Variants in ROCK1 observed in about 807,000 individuals in gnomAD.
The protein encoded by ROCK1 is Rho associated coiled-coil containing protein kinase 1, also known as rho-associated protein kinase 1.
ROCK1 carries 36 observed loss-of-function variants against 196.8 expected under a neutral mutation model. That is an observed-to-expected ratio of 0.18 (90% CI 0.14 to 0.24). The LOEUF (loss-of-function observed/expected upper bound fraction) is 0.24, where lower values mean the gene tolerates loss of function less well. Among genes scored for constraint, ROCK1 ranks in the 10% least tolerant of loss-of-function variants. The pLI is 1.00. For synonymous variants in ROCK1, 443 were observed against 515.9 expected (o/e 0.86, Z 1.91); for missense variants, 920 against 1,562.0 (o/e 0.59, Z 6.93).
chr18:20,956,233 AAAGAT>A (rs750491806), intron 29 of ROCK1, among the ~76,000 whole-genome samples: 15 of 152,194 alleles, frequency 9.9e-5, no homozygotes, highest in East Asian at 1.9e-4. Context: ...GAAAAAAAGA[AAAGAT>A]AAGAAATGGT....
intron 28 of ROCK1, 40 bp downstream of exon 28, chr18:20,960,096 G>C (rs200169699): frequency 1.5e-5 from 20 of 1,352,898 alleles, no homozygotes; most frequent in Non-Finnish European, 1.9e-5. Context: ...GTAAAATATA[G>C]AACAAAATAC....
At chr18:21,005,557 T>A (rs757317377) in intron 16 of ROCK1, among the ~76,000 whole-genome samples, 7 of 152,126 alleles carry the variant, frequency 4.6e-5, no homozygotes, top group Non-Finnish European at 7.4e-5. Context: ...TACAATGTGA[T>A]ACAAATGTGG....
chr18:20,967,884 C>G lies in ROCK1; in HGVS notation c.3060G>C (p.Lys1020Asn). 1.3e-6 allele frequency: 2 copies of G among 1,592,896 alleles called. No homozygotes were observed. Among genetic ancestry groups the G allele is most frequent in the Non-Finnish European group, 1.7e-6 (2 of 1,168,416 alleles). ...TTCTCAAATCTTGTGTATTAGCTTT[C>G]TTTCTATCAATTTTAAAATCTTTTC... Reference protein sequence around the residue: ...MNRKDFKIDRKKANTQDLRKK... With the variant: ...MNRKDFKIDRNKANTQDLRKK... The change falls in exon 26 of 33, where the codon AAG becomes AAC. Residue 1020 changes from lysine (K) to asparagine (N), a missense_variant. By Grantham distance (94) the Lys-to-Asn change is moderately conservative. This residue lies in a region of ROCK1 where 116 missense variants were observed against 204.2 expected (regional missense o/e 0.57). Coordinates refer to ENST00000399799, the MANE Select transcript of ROCK1 (RefSeq NM_005406.3).
At chr18:20,991,361 G>A in intron 17 of ROCK1, 35 bp from the exon 18 acceptor site, 1 of 1,413,372 alleles carries the variant, frequency 7.1e-7, no homozygotes, top group Non-Finnish European at 9.6e-7. Context: ...GTAATAAACT[G>A]TGCAGAAGGC....
At chr18:21,073,248 T>A (rs1395716445) in intron 1 of ROCK1, among the ~76,000 whole-genome samples, 2 of 152,072 alleles carry the variant, frequency 1.3e-5, no homozygotes, top group African/African-American at 4.8e-5. Context: ...ATAAGAGAAG[T>A]ATTTTCACAT....
rs2035623089 is a variant in ROCK1, at chr18:20,991,262, T to C, written c.2057A>G (p.Gln686Arg). ...GGTTACTTTGTGTTCATTTACCTCTTGTTCTAACCGTTGTTGTAATGATTT... is the reference window on the plus strand; with the variant it reads ...GGTTACTTTGTGTTCATTTACCTCTCGTTCTAACCGTTGTTGTAATGATTT... ...KLKSLQQRLE[Q>R]EVNEHKVTKA... The change falls in exon 18 of 33, where the codon CAA (glutamine) becomes CGA (arginine). Residue 686 changes from glutamine (Q) to arginine (R), a missense_variant. By Grantham distance (43) the Gln-to-Arg change is conservative. Transcript: ENST00000399799. 6.2e-7 allele frequency: 1 copy of C among 1,609,558 alleles called. No individual in the cohort carries two copies. Among genetic ancestry groups the C allele is most frequent in the Non-Finnish European group, 8.5e-7 (1 of 1,176,598 alleles).
chr18:21,111,045 C>G lies in ROCK1; in HGVS notation c.-135G>C. ...TCAGGGTCACCAGGTGCGCCCGGTT[C>G]CCCCGTCTTCCCCTCACTGAGGGGA... On this transcript the variant is annotated 5_prime_UTR_variant, in exon 1 of 33. Transcript: ENST00000399799. This position sits in a 1 kb window ranked among gnomAD's most constrained non-coding sequence, Gnocchi z 4.2. 3 of 664,742 alleles carry G rather than the reference C, an allele frequency of 4.5e-6. No individual in the cohort carries two copies. The highest frequency in any genetic ancestry group is 7.9e-6 in the Non-Finnish European group (3 of 379,174). 41.2% of individuals were successfully genotyped at this position (664,742 alleles called of 1,614,324 possible).
At chr18:21,100,150 GA>G (rs557069271) in intron 1 of ROCK1, among the ~76,000 whole-genome samples, 2,929 of 127,740 alleles carry the variant, frequency 0.023, 94 homozygotes, top group African/African-American at 0.073. Context: ...TGGAAAAAAA[GA>G]AAAAAAAAAA....
rs2035170515 is a variant in ROCK1, at chr18:20,950,107, T to C, written c.*1277A>G. 6.6e-6 allele frequency: 1 copy of C among 152,646 alleles called. No individual in the cohort carries two copies. The highest frequency in any genetic ancestry group is 1.9e-4 in the East Asian group (1 of 5,208). 9.5% of individuals were successfully genotyped at this position (152,646 alleles called of 1,614,324 possible). ...TTTGGTTAAAAAAATAAACAATAAA[T>C]CATACTGTCCATATGAATCAACTCT... On this transcript the variant is annotated 3_prime_UTR_variant, in exon 33 of 33. Transcript: ENST00000399799.
intron 32 of ROCK1, among the ~76,000 whole-genome samples, chr18:20,952,441 T>C (rs973689262): frequency 4.6e-5 from 7 of 150,554 alleles, no homozygotes; most frequent in Non-Finnish European, 1.0e-4. Context: ...CTTATAATTG[T>C]TTATCATGGC....
chr18:21,060,370 C>T (rs1443170958), intron 2 of ROCK1, among the ~76,000 whole-genome samples: 10 of 152,094 alleles, frequency 6.6e-5, no homozygotes, highest in Non-Finnish European at 1.3e-4. Context: ...GTAGCAAATG[C>T]GGCAAGGATG....
chr18:21,081,984 C>T (rs190985386), intron 1 of ROCK1, among the ~76,000 whole-genome samples: 1 of 152,290 alleles, frequency 6.6e-6, no homozygotes, highest in East Asian at 1.9e-4. Context: ...CAGGGTCTCA[C>T]TCTGTTGCCC....
Position 21,008,151 on chromosome 18 carries a change from T to C in ROCK1, c.1454A>G (p.Glu485Gly). ...ATGCTGTAGCAACATTTTCTCCTTC[T>C]CAATCTGAGACACTGTAGATTCTAG... ...RNLESTVSQI[E>G]KEKMLLQHRI... The change falls in exon 14 of 33, where the codon GAG becomes GGG. Residue 485 changes from glutamate to glycine, a missense_variant. Physicochemically the swap from Glu to Gly is moderately conservative, Grantham distance 98. Transcript: ENST00000399799. The C allele has an allele frequency of 6.3e-7, 1 of 1,598,142 alleles. No homozygotes were observed. The highest frequency in any genetic ancestry group is 8.5e-7 in the Non-Finnish European group (1 of 1,170,858).
At position 21,020,307 on chromosome 18, in the gene ROCK1, C is replaced by A. The variant is rs1183759408; in HGVS notation, c.1273-68G>T. On this transcript the variant is annotated intron_variant, in intron 11 of 32. Coordinates refer to ENST00000399799, the MANE Select transcript of ROCK1 (RefSeq NM_005406.3). Reference sequence around the variant, plus strand: ...ATTTAGACATTTAAAAATATCAAGTCTATGTTAATATTTTAAACCTTTTTA... The same window carrying A: ...ATTTAGACATTTAAAAATATCAAGTATATGTTAATATTTTAAACCTTTTTA... 1.5e-5 allele frequency: 12 copies of A among 776,042 alleles called. No individual in the cohort carries two copies. In the Admixed American group the frequency reaches 3.8e-4, roughly 25 times the overall value. 48.1% of individuals were successfully genotyped at this position (776,042 alleles called of 1,614,324 possible). A position where few individuals can be genotyped will look rare whatever the true frequency, so the allele number is the denominator to read the frequency against.
intron 16 of ROCK1, among the ~76,000 whole-genome samples, chr18:21,001,533 TGAG>T (rs2143427747): frequency 6.6e-6 from 1 of 152,112 alleles, no homozygotes; most frequent in Admixed American, 6.5e-5. Context: ...TTTGGGAGGC[TGAG>T]GCAGGCAGAT....
chr18:21,017,460 G>A (rs1377958781), intron 12 of ROCK1, among the ~76,000 whole-genome samples: 3 of 151,364 alleles, frequency 2.0e-5, no homozygotes, highest in Admixed American at 6.6e-5. Flanking sequence ...AAAGTGCTGG[G>A]ATTACAGGCA....
chr18:21,074,889 T>C (rs1251388339), intron 1 of ROCK1, among the ~76,000 whole-genome samples: 1 of 151,956 alleles, frequency 6.6e-6, no homozygotes, highest in African/African-American at 2.4e-5. Flanking sequence ...AGCTGAACCT[T>C]GAAGAATAGA....
At chr18:20,999,358 A>C (rs1380501973) in intron 16 of ROCK1, among the ~76,000 whole-genome samples, 2 of 152,182 alleles carry the variant, frequency 1.3e-5, no homozygotes, top group African/African-American at 4.8e-5. Context: ...ATTAAGAAAA[A>C]GCCTCAGAGT....
chr18:21,096,690 G>T (rs574321604), intron 1 of ROCK1, among the ~76,000 whole-genome samples: 1 of 152,068 alleles, frequency 6.6e-6, no homozygotes, highest in Non-Finnish European at 1.5e-5. Context: ...CATTAGGTAT[G>T]ATTAACAAAC....
Sources: allele counts gnomAD v4.1 joint callset (sites outside exome capture counted in the v4.1 genomes callset), GRCh38; gene constraint gnomAD v4.1.1; regional missense constraint gnomAD v4.1.1; non-coding constraint Gnocchi (gnomAD v3.1); transcripts MANE v1.5; gene names NCBI Gene and HGNC (gene_info 2026-07-23, HGNC 2026-07-21).